Variants in FAM81B observed in about 807,000 individuals in gnomAD.
FAM81B encodes family with sequence similarity 81 member B.
A neutral mutation model predicts 58.7 loss-of-function variants in FAM81B; 60 were observed. The ratio of observed to expected loss-of-function variants is 1.02; its 90% CI spans 0.83 to 1.27. The LOEUF (loss-of-function observed/expected upper bound fraction) is 1.27. Among genes scored for constraint, FAM81B ranks in the 50% most tolerant of loss-of-function variants. The probability of loss-of-function intolerance (pLI) is 0.00; values close to 1 mark genes in which losing one functional copy is unlikely to be tolerated. For synonymous variants in FAM81B, 189 were observed against 179.6 expected, an observed-to-expected ratio of 1.05 and a Z score of -0.42; for missense variants, 491 against 522.0, an observed-to-expected ratio of 0.94 and a Z score of 0.58.
At chr5:95,417,896 A>G (rs1762578735) in intron 4 of FAM81B, among the ~76,000 whole-genome samples, 1 of 152,160 alleles carries the variant, frequency 6.6e-6, no homozygotes, top group African/African-American at 2.4e-5. Context: ...TGCTTTTTCT[A>G]TCTTAATTGT....
Position 95,424,409 on chromosome 5 carries a change from C to T in FAM81B, c.656+4007C>T, listed in dbSNP as rs370941057. On this transcript the variant is annotated intron_variant, in intron 5 of 9. Coordinates refer to ENST00000283357, the MANE Select transcript of FAM81B (RefSeq NM_152548.3). ...AGGAAGAGTTCAAGCCAAAAGTTCT[C>T]CCGGTTTCAACGAAATTAAGAACAA... Among the ~76,000 whole-genome samples, 30 of 151,088 alleles carry T rather than the reference C, an allele frequency of 2.0e-4. No homozygotes were observed. The East Asian group carries it at 5.6e-3, about 28-fold the overall frequency.
At chr5:95,436,538 CCTATGATCAAAAAGAATATT>C (rs987328048) in intron 6 of FAM81B, among the ~76,000 whole-genome samples, 1 of 152,066 alleles carries the variant, frequency 6.6e-6, no homozygotes, top group Non-Finnish European at 1.5e-5. Flanking sequence ...CATTAGATGG[CCTATGATCAAAAAGAATATT>C]CTAGACAACA....
chr5:95,393,055 G>GA (rs1050123879), intron 2 of FAM81B, among the ~76,000 whole-genome samples, 158 bp downstream of exon 2: 1 of 152,092 alleles, frequency 6.6e-6, no homozygotes, highest in African/African-American at 2.4e-5. Context: ...AACACAAGCT[G>GA]AAAAGAAAAA....
chr5:95,433,052 G>A (rs1744961886), intron 6 of FAM81B, among the ~76,000 whole-genome samples: 1 of 152,048 alleles, frequency 6.6e-6, no homozygotes, highest in African/African-American at 2.4e-5. Flanking sequence ...AGTTTAACAT[G>A]TAGTATTCTC....
intron 7 of FAM81B, among the ~76,000 whole-genome samples, chr5:95,441,941 C>T (rs1285163990): frequency 6.6e-6 from 1 of 152,256 alleles, no homozygotes; most frequent in Admixed American, 6.5e-5. Context: ...TTACCAGTCA[C>T]TCCCTAGATA....
intron 3 of FAM81B, among the ~76,000 whole-genome samples, chr5:95,411,081 G>A (rs1414052908): frequency 1.3e-5 from 2 of 152,114 alleles, no homozygotes; most frequent in African/African-American, 4.8e-5. Context: ...AAGGAATGTT[G>A]TCATGTTCAT....
At chr5:95,398,751 G>T (rs1352914573) in intron 3 of FAM81B, among the ~76,000 whole-genome samples, 1 of 152,192 alleles carries the variant, frequency 6.6e-6, no homozygotes, top group Non-Finnish European at 1.5e-5. Flanking sequence ...GCCGGGGTAG[G>T]CCTCATTAAG....
intron 4 of FAM81B, 104 bp from the exon 5 acceptor site, chr5:95,420,180 A>T: frequency 7.2e-7 from 1 of 1,397,898 alleles, no homozygotes. Context: ...GCACACCATC[A>T]GCCTAATTAC....
At chr5:95,405,201 T>C (rs1182878346) in intron 3 of FAM81B, among the ~76,000 whole-genome samples, 1 of 152,200 alleles carries the variant, frequency 6.6e-6, no homozygotes, top group Non-Finnish European at 1.5e-5. Context: ...TTAGGTCACA[T>C]GACTAGCATT....
At chr5:95,398,734 A>C (rs904525593) in intron 3 of FAM81B, among the ~76,000 whole-genome samples, 1 of 152,228 alleles carries the variant, frequency 6.6e-6, no homozygotes, top group Non-Finnish European at 1.5e-5. Flanking sequence ...GAATTATTAG[A>C]TAGCTGGCCG....
intron 3 of FAM81B, among the ~76,000 whole-genome samples, chr5:95,406,593 C>T (rs1762251900): frequency 6.6e-6 from 1 of 152,212 alleles, no homozygotes; most frequent in African/African-American, 2.4e-5. Flanking sequence ...GGCAGCACTC[C>T]CAACAGTTGG....
intron 4 of FAM81B, among the ~76,000 whole-genome samples, chr5:95,419,203 T>A (rs1170589186): frequency 6.6e-6 from 1 of 152,210 alleles, no homozygotes; most frequent in Admixed American, 6.5e-5. Flanking sequence ...TGCCCTTGGG[T>A]TGTCTCAATC....
chr5:95,415,739 A>G (rs954543006), intron 4 of FAM81B, among the ~76,000 whole-genome samples: 4 of 152,196 alleles, frequency 2.6e-5, no homozygotes, highest in African/African-American at 9.7e-5. Flanking sequence ...TCTTAGAAAC[A>G]TTGAACTGTT....
chr5:95,405,687 C>G (rs1288329971), intron 3 of FAM81B, among the ~76,000 whole-genome samples: 1 of 152,194 alleles, frequency 6.6e-6, no homozygotes, highest in Non-Finnish European at 1.5e-5. Context: ...CTCATTTCCC[C>G]TGGGCATTTC....
At position 95,396,181 on chromosome 5, in the gene FAM81B, T is replaced by C. The variant is rs201620024; in HGVS notation, c.293+6T>C. The C allele has an allele frequency of 6.3e-7, 1 of 1,587,682 alleles. No homozygotes were observed. Among genetic ancestry groups the C allele is most frequent in the South Asian group, 1.2e-5 (1 of 86,312 alleles). Reference sequence around the variant, plus strand: ...CTAGTTGAATATGTTGACAAGTAAGTGTGTAAATTACAACTAGTTTTAACT... The same window carrying C: ...CTAGTTGAATATGTTGACAAGTAAGCGTGTAAATTACAACTAGTTTTAACT... On this transcript the variant is annotated splice_donor_region_variant and intron_variant, in intron 3 of 9. Coordinates refer to ENST00000283357, the MANE Select transcript of FAM81B (RefSeq NM_152548.3).
At chr5:95,419,582 G>C (rs1032638380) in intron 4 of FAM81B, among the ~76,000 whole-genome samples, 1 of 152,006 alleles carries the variant, frequency 6.6e-6, no homozygotes, top group African/African-American at 2.4e-5. Context: ...CATGGTTCTT[G>C]GGACCACTAG....
chr5:95,398,826 G>A (rs1344012054), intron 3 of FAM81B, among the ~76,000 whole-genome samples: 1 of 152,180 alleles, frequency 6.6e-6, no homozygotes, highest in African/African-American at 2.4e-5. Context: ...TAGGGGAAGA[G>A]CAAAGTTTCG....
intron 3 of FAM81B, among the ~76,000 whole-genome samples, chr5:95,412,125 G>A (rs1209892818): frequency 6.6e-6 from 1 of 150,650 alleles, no homozygotes; most frequent in East Asian, 1.9e-4. Flanking sequence ...TTGAAGTCTT[G>A]CATGGCAATG....
At chr5:95,427,009 A>ACT (rs1360740837) in intron 5 of FAM81B, among the ~76,000 whole-genome samples, 1 of 152,144 alleles carries the variant, frequency 6.6e-6, no homozygotes, top group East Asian at 1.9e-4. Flanking sequence ...AGATTGTGCC[A>ACT]CTGCACTCCA....
Sources: allele counts gnomAD v4.1 joint callset (sites outside exome capture counted in the v4.1 genomes callset), GRCh38; gene constraint gnomAD v4.1.1; transcripts MANE v1.5; gene names NCBI Gene and HGNC (gene_info 2026-07-23, HGNC 2026-07-21).